Variants in FGF12 observed in about 807,000 individuals in gnomAD.
FGF12 encodes the protein fibroblast growth factor 12B.
In FGF12, 14 loss-of-function variants were observed where a neutral mutation model predicts 23.6. The observed-to-expected ratio is 0.59, with a 90% CI of 0.39 to 0.93. The LOEUF (loss-of-function observed/expected upper bound fraction) is 0.93, where lower values mean the gene tolerates loss of function less well. Ranked by LOEUF, FGF12 falls within the 40% of genes least tolerant of loss-of-function variation. The probability of loss-of-function intolerance (pLI) is 0.00; values close to 1 mark genes in which losing one functional copy is unlikely to be tolerated. For synonymous variants in FGF12, 62 were observed against 77.3 expected, an observed-to-expected ratio of 0.80 and a Z score of 1.04; for missense variants, 175 against 217.8, an observed-to-expected ratio of 0.80 and a Z score of 1.24.
chr3:192,667,279 CA>C (rs1268176806), intron 2 of FGF12, among the ~76,000 whole-genome samples: 3 of 151,990 alleles, frequency 2.0e-5, no homozygotes. Context: ...GAGGGCTTCA[CA>C]GGAAAAAACC....
chr3:192,377,860 C>T (rs1297507827), intron 2 of FGF12, among the ~76,000 whole-genome samples: 1 of 152,138 alleles, frequency 6.6e-6, no homozygotes, highest in Non-Finnish European at 1.5e-5. Context: ...AATAATATAT[C>T]TGAACAGATG....
chr3:192,204,020 A>G (rs1717515099), intron 4 of FGF12, among the ~76,000 whole-genome samples: 3 of 152,174 alleles, frequency 2.0e-5, no homozygotes, highest in African/African-American at 4.8e-5. Context: ...TGTCGTTAAA[A>G]AAAAAGCAAA....
At chr3:192,485,244 T>C (rs1403109950) in intron 2 of FGF12, among the ~76,000 whole-genome samples, 2 of 152,180 alleles carry the variant, frequency 1.3e-5, no homozygotes, top group Non-Finnish European at 2.9e-5. Flanking sequence ...AGACTAATTA[T>C]TGCCACAAAA....
intron 4 of FGF12, among the ~76,000 whole-genome samples, chr3:192,257,562 A>G (rs146105484): frequency 2.0e-5 from 3 of 152,250 alleles, no homozygotes; most frequent in Admixed American, 6.5e-5. Context: ...AGCCATTTTA[A>G]CTTCCACTTA....
chr3:192,422,977 A>G (rs1331885726), intron 2 of FGF12, among the ~76,000 whole-genome samples: 4 of 152,134 alleles, frequency 2.6e-5, no homozygotes, highest in Non-Finnish European at 5.9e-5. Context: ...TCTCAGCTAT[A>G]AGAGTTGGGA....
chr3:192,724,067 A>AGAAG (rs1553849518), intron 2 of FGF12, among the ~76,000 whole-genome samples: 9 of 146,290 alleles, frequency 6.2e-5, no homozygotes, highest in South Asian at 2.3e-4. Context: ...GAAGAGGGAA[A>AGAAG]GAAGGAAGGA....
chr3:192,459,482 G>A (rs1182578392), intron 2 of FGF12, among the ~76,000 whole-genome samples: 1 of 152,196 alleles, frequency 6.6e-6, no homozygotes, highest in South Asian at 2.1e-4. Context: ...TTTGGAAAAT[G>A]CTGTGCAGTA....
intron 2 of FGF12, among the ~76,000 whole-genome samples, chr3:192,651,225 C>G (rs111413620): frequency 9.2e-5 from 14 of 152,118 alleles, no homozygotes; most frequent in Admixed American, 3.9e-4. Flanking sequence ...TCAGACTAAC[C>G]GACATTTGTT....
chr3:192,413,200 C>T (rs900720472), intron 2 of FGF12, among the ~76,000 whole-genome samples: 2 of 152,180 alleles, frequency 1.3e-5, no homozygotes, highest in Non-Finnish European at 2.9e-5. Context: ...TCCAAATCTA[C>T]TATTAGGGCT....
chr3:192,222,054 G>A (rs1718502290), intron 4 of FGF12, among the ~76,000 whole-genome samples: 1 of 152,126 alleles, frequency 6.6e-6, no homozygotes, highest in Non-Finnish European at 1.5e-5. Flanking sequence ...TGACAGGTGT[G>A]ACATGTATTC....
intron 2 of FGF12, among the ~76,000 whole-genome samples, chr3:192,561,482 C>T (rs1712021745): frequency 6.6e-6 from 1 of 152,044 alleles, no homozygotes; most frequent in South Asian, 2.1e-4. Context: ...CCTGCCTCAG[C>T]CTTCTGAGTA....
rs1211765067 is a variant in FGF12 at position 192,523,171 on chromosome 3, T to C, written c.14-162633A>G. Reference sequence around the variant, plus strand: ...AGGAGACACACAGGGACTAGAAATGTTATTTCTAAGTTGCAACAGGATATA... The same window carrying C: ...AGGAGACACACAGGGACTAGAAATGCTATTTCTAAGTTGCAACAGGATATA... On this transcript the variant is annotated intron_variant, in intron 2 of 5. Transcript: ENST00000445105. 2.0e-5 allele frequency among the ~76,000 whole-genome samples: 3 copies of C among 152,170 alleles called. No individual in the cohort carries two copies. In the East Asian group the frequency reaches 5.8e-4, roughly 29 times the overall value.
chr3:192,460,682 TTATA>T (rs35031609), intron 2 of FGF12, among the ~76,000 whole-genome samples: 3,808 of 142,396 alleles, frequency 0.027, 146 homozygotes, highest in African/African-American at 0.084. Context: ...ACACATATAT[TTATA>T]TATATATATA....
chr3:192,496,336 G>C (rs1349926513), intron 2 of FGF12, among the ~76,000 whole-genome samples: 2 of 151,698 alleles, frequency 1.3e-5, no homozygotes, highest in African/African-American at 2.4e-5. Flanking sequence ...GAGGAGGTCT[G>C]GTGCAGGACA....
intron 2 of FGF12, among the ~76,000 whole-genome samples, chr3:192,614,244 G>A (rs1458862302): frequency 1.3e-5 from 2 of 151,468 alleles, no homozygotes; most frequent in Admixed American, 1.3e-4. Context: ...TATAGTTAAA[G>A]CTAATTTTTT....
intron 4 of FGF12, among the ~76,000 whole-genome samples, chr3:192,185,716 C>T (rs916740683): frequency 1.3e-5 from 2 of 151,798 alleles, no homozygotes; most frequent in East Asian, 3.9e-4. Flanking sequence ...AAAAATTAGC[C>T]AGGCATGGTG....
chr3:192,299,243 T>G (rs1715210954), intron 4 of FGF12, among the ~76,000 whole-genome samples: 1 of 152,164 alleles, frequency 6.6e-6, no homozygotes, highest in Non-Finnish European at 1.5e-5. Flanking sequence ...AGAAATAGCT[T>G]TCCTGCCACC....
intron 2 of FGF12, chr3:192,516,970 C>A (rs1724687416): frequency 6.6e-6 from 1 of 152,224 alleles, no homozygotes; most frequent in African/African-American, 2.4e-5. Flanking sequence ...AGGAAAACAT[C>A]TAAAAATAGT....
chr3:192,367,172 T>C (rs1296444799), intron 2 of FGF12, among the ~76,000 whole-genome samples: 1 of 152,190 alleles, frequency 6.6e-6, no homozygotes, highest in Admixed American at 6.6e-5. Context: ...CAATTTCACT[T>C]TTCTGTTTCC....
Sources: allele counts gnomAD v4.1 joint callset (sites outside exome capture counted in the v4.1 genomes callset), GRCh38; gene constraint gnomAD v4.1.1; transcripts MANE v1.5; gene names NCBI Gene and HGNC (gene_info 2026-07-23, HGNC 2026-07-21).